The following MAF variants were observed in gnomAD, a reference collection of about 807,000 sequenced individuals.
The protein encoded by MAF is transcription factor Maf.
Under a neutral mutation model 22.0 loss-of-function variants are expected in MAF, and 10 were observed. The observed-to-expected ratio is 0.45, with a 90% confidence interval of 0.28 to 0.77. The LOEUF is 0.77. MAF is among the 30% of genes least tolerant of loss of function. MAF has a pLI of 0.12. For missense variants in MAF, 544 were observed against 548.4 expected (o/e 0.99, Z 0.08); for synonymous variants, 337 against 255.8 (o/e 1.32, Z -3.03).
the MAF span, among the ~76,000 whole-genome samples, chr16:79,432,757 G>A: frequency 6.6e-6 from 1 of 152,020 alleles, no homozygotes; most frequent in Non-Finnish European, 1.5e-5. Context: ...CACACACACA[G>A]AACATCATGT....
chr16:79,446,880 C>T, the MAF span, among the ~76,000 whole-genome samples: 2 of 151,888 alleles, frequency 1.3e-5, no homozygotes, highest in Non-Finnish European at 2.9e-5. Flanking sequence ...CGTGCCACTG[C>T]ACTCCAGCCT....
chr16:79,276,039 G>T, the MAF span, among the ~76,000 whole-genome samples: 1 of 152,122 alleles, frequency 6.6e-6, no homozygotes, highest in Admixed American at 6.6e-5. Flanking sequence ...TACTCGGGAG[G>T]CTGAGGTAGG....
the MAF span, among the ~76,000 whole-genome samples, chr16:79,382,934 G>C: frequency 2.6e-5 from 4 of 152,100 alleles, no homozygotes; most frequent in African/African-American, 9.7e-5. Flanking sequence ...TTCGAGCCCA[G>C]GTCTGTGCTC....
At chr16:79,507,980 G>T in the MAF span, among the ~76,000 whole-genome samples, 1 of 152,126 alleles carries the variant, frequency 6.6e-6, no homozygotes, top group African/African-American at 2.4e-5. Flanking sequence ...TTTGGTGATG[G>T]CCGCAGTCCT....
At chr16:79,261,516 A>T in the MAF span, among the ~76,000 whole-genome samples, 1 of 152,168 alleles carries the variant, frequency 6.6e-6, no homozygotes, top group Non-Finnish European at 1.5e-5. Flanking sequence ...ATATTTAACA[A>T]ATTTGTGGAT....
the MAF span, among the ~76,000 whole-genome samples, chr16:79,464,375 T>C: frequency 2.6e-5 from 4 of 152,252 alleles, no homozygotes; most frequent in Non-Finnish European, 5.9e-5. Flanking sequence ...CCCACCACAG[T>C]AGCCGTGAAG....
the MAF span, among the ~76,000 whole-genome samples, chr16:79,516,984 C>A: frequency 6.6e-6 from 1 of 152,208 alleles, no homozygotes; most frequent in Non-Finnish European, 1.5e-5. Flanking sequence ...GCAGTTTCCA[C>A]ACTGAATCTT....
At chr16:79,502,287 A>G in the MAF span, among the ~76,000 whole-genome samples, 3 of 152,198 alleles carry the variant, frequency 2.0e-5, no homozygotes, top group African/African-American at 7.2e-5. Context: ...AAATAAGAGC[A>G]TTAGGCTTAA....
At chr16:79,502,354 C>T in the MAF span, among the ~76,000 whole-genome samples, 1 of 152,120 alleles carries the variant, frequency 6.6e-6, no homozygotes, top group Non-Finnish European at 1.5e-5. Flanking sequence ...ACCTTAAGAA[C>T]AACGTGAAAA....
the MAF span, among the ~76,000 whole-genome samples, chr16:79,352,493 T>C: frequency 6.6e-6 from 1 of 152,100 alleles, no homozygotes; most frequent in Non-Finnish European, 1.5e-5. Flanking sequence ...GTTGAAGGAA[T>C]CCCATAAAAT....
the MAF span, among the ~76,000 whole-genome samples, chr16:79,384,652 G>A: frequency 2.0e-5 from 3 of 152,028 alleles, no homozygotes; most frequent in East Asian, 5.8e-4. Context: ...AGCTACTCAG[G>A]AGGCTGAGGC....
At chr16:79,496,031 C>A in the MAF span, among the ~76,000 whole-genome samples, 1 of 152,118 alleles carries the variant, frequency 6.6e-6, no homozygotes, top group Non-Finnish European at 1.5e-5. Flanking sequence ...TAGTCTTGGC[C>A]ACCATTTTTC....
the MAF span, among the ~76,000 whole-genome samples, chr16:79,543,590 G>A: frequency 6.6e-6 from 1 of 151,888 alleles, no homozygotes; most frequent in African/African-American, 2.4e-5. Flanking sequence ...CACGTTCTGG[G>A]TAACATAATA....
the MAF span, among the ~76,000 whole-genome samples, chr16:79,420,487 G>C: frequency 6.6e-6 from 1 of 152,100 alleles, no homozygotes; most frequent in East Asian, 1.9e-4. Context: ...GAATGTTTAG[G>C]TTCACAGCAA....
the MAF span, among the ~76,000 whole-genome samples, chr16:79,231,755 G>A: frequency 1.3e-5 from 2 of 152,262 alleles, no homozygotes; most frequent in African/African-American, 4.8e-5. Context: ...TTAGGTGGCA[G>A]ATGGTTTCGG....
chr16:79,424,922 G>T, the MAF span, among the ~76,000 whole-genome samples: 1 of 151,886 alleles, frequency 6.6e-6, no homozygotes, highest in African/African-American at 2.4e-5. Flanking sequence ...ATGAACACAG[G>T]AGAAAATACA....
At chr16:79,246,765 T>C in the MAF span, among the ~76,000 whole-genome samples, 2 of 152,136 alleles carry the variant, frequency 1.3e-5, no homozygotes, top group African/African-American at 4.8e-5. Context: ...CATTGGAACT[T>C]TACCCAAGAA....
At chr16:79,271,321 G>T in the MAF span, among the ~76,000 whole-genome samples, 3 of 151,714 alleles carry the variant, frequency 2.0e-5, no homozygotes, top group Non-Finnish European at 4.4e-5. Flanking sequence ...CCTCCATTGG[G>T]TTACTACTAA....
the MAF span, among the ~76,000 whole-genome samples, chr16:79,439,307 G>T: frequency 6.7e-6 from 1 of 148,178 alleles, no homozygotes; most frequent in African/African-American, 2.5e-5. Flanking sequence ...TGCCACCCAG[G>T]CTGGAGTGCA....
Sources: gnomAD v4.1 joint callset for allele counts (sites outside exome capture counted in the v4.1 genomes callset) on GRCh38, gnomAD v4.1.1 for gene constraint, MANE v1.5 for transcripts, NCBI Gene and HGNC (gene_info 2026-07-23, HGNC 2026-07-21) for gene names.